CASP14: variants seen among roughly 807,000 people sequenced by gnomAD.
The protein encoded by CASP14 is caspase 14, also known as caspase-14.
CASP14 carries 27 observed loss-of-function variants against 28.4 expected under a neutral mutation model. That is an observed-to-expected ratio of 0.95 (90% CI 0.70 to 1.31). CASP14 has a LOEUF of 1.31. Among genes scored for constraint, CASP14 ranks in the 50% most tolerant of loss-of-function variants. The probability of loss-of-function intolerance (pLI) is 0.00; values close to 1 mark genes in which losing one functional copy is unlikely to be tolerated. For synonymous variants in CASP14, 115 were observed against 118.6 expected, an observed-to-expected ratio of 0.97 and a Z score of 0.20; for missense variants, 323 against 312.8, an observed-to-expected ratio of 1.03 and a Z score of -0.25.
At chr19:15,051,839 C>A (rs561234216) in intron 1 of CASP14, among the ~76,000 whole-genome samples, 1 of 152,230 alleles carries the variant, frequency 6.6e-6, no homozygotes, top group South Asian at 2.1e-4. Context: ...AAGAGGCAAA[C>A]ACATGGGTCA....
At chr19:15,050,373 G>A (rs2046084554) in intron 1 of CASP14, among the ~76,000 whole-genome samples, 1 of 151,884 alleles carries the variant, frequency 6.6e-6, no homozygotes, top group Admixed American at 6.6e-5. Context: ...TCACAGACTA[G>A]AGCTACAGAA....
At chr19:15,055,303 C>T (rs766631414) in intron 5 of CASP14, 29 bp downstream of exon 5, 1 of 1,589,774 alleles carries the variant, frequency 6.3e-7, no homozygotes, top group Admixed American at 1.7e-5. Context: ...CCCAGGGATC[C>T]CTCTGCTCTT....
At chr19:15,054,009 GT>G in intron 4 of CASP14, 51 bp downstream of exon 4, 1 of 1,499,328 alleles carries the variant, frequency 6.7e-7, no homozygotes, top group Admixed American at 1.9e-5. Flanking sequence ...TTTCTGTTTT[GT>G]TTTTTGAGAC....
At chr19:15,050,767 T>A (rs1429933148) in intron 1 of CASP14, among the ~76,000 whole-genome samples, 1 of 151,480 alleles carries the variant, frequency 6.6e-6, no homozygotes, top group African/African-American at 2.4e-5. Flanking sequence ...GAAGAATGAA[T>A]GGGTATATGG....
rs1053942769 is a variant in CASP14 at position 15,053,611 on chromosome 19, A to G, written c.157A>G (p.Lys53Glu). Residue 53 changes from lysine (K) to glutamate (E), a missense_variant, in exon 3 of 7, where the codon AAA (lysine) becomes GAA (glutamate). Lys to Glu is a moderately conservative substitution (Grantham distance 56, BLOSUM62 1). Transcript: ENST00000427043. ...GCAGCTGAGATTCGAAAGCACCATG[A>G]AAAGAGACCCCACTGCCGAGGTATT... The part of the protein sequence containing the change: ...FRQLRFESTM[K>E]RDPTAEQFQE... 1 of 1,614,140 alleles carries G rather than the reference A, an allele frequency of 6.2e-7. No homozygotes were observed. The highest frequency in any genetic ancestry group is 8.5e-7 in the Non-Finnish European group (1 of 1,180,016).
intron 5 of CASP14, 42 bp from the exon 6 acceptor site, chr19:15,055,388 C>A: frequency 1.3e-6 from 2 of 1,587,734 alleles, no homozygotes; most frequent in Non-Finnish European, 1.7e-6. Context: ...CCTCTACCTA[C>A]CCTCTGAAGC....
Position 15,053,772 on chromosome 19 carries a change from G to C in CASP14, c.217G>C (p.Asp73His). ...EELEKFQQAIDSREDPVSCAF... is the reference protein window; with the variant it reads ...EELEKFQQAIHSREDPVSCAF... ...GCTGGAAAAATTCCAGCAGGCCATC[G>C]ATTCCCGGGAAGATCCCGTCAGTTG... The change falls in exon 4 of 7, where the codon GAT becomes CAT. Residue 73 changes from aspartate to histidine, a missense_variant. Transcript: ENST00000427043. The C allele has an allele frequency of 6.2e-7, 1 of 1,613,736 alleles. No individual in the cohort carries two copies. Among genetic ancestry groups the C allele is most frequent in the South Asian group, 1.1e-5 (1 of 91,064 alleles).
chr19:15,051,275 G>T (rs2046089460), intron 1 of CASP14, among the ~76,000 whole-genome samples: 1 of 151,474 alleles, frequency 6.6e-6, no homozygotes, highest in Non-Finnish European at 1.5e-5. Context: ...GAGGTGGGCA[G>T]ATCATGAGGT....
At position 15,056,507 on chromosome 19, in the gene CASP14, T is replaced by C. The variant is rs188221732; in HGVS notation, c.*418T>C. ...ACCTCTGCTGGCTCCTGCATCTCAC[T>C]TGGAGGTCAAACCTCCTCCTGAGGC... On this transcript the variant is annotated 3_prime_UTR_variant, in exon 7 of 7. Transcript: ENST00000427043. The C allele has an allele frequency of 5.0e-4, 87 of 174,602 alleles. No homozygotes were observed. The highest frequency in any genetic ancestry group is 2.0e-3 in the African/African-American group (84 of 42,458). 10.8% of individuals were successfully genotyped at this position (174,602 alleles called of 1,614,324 possible). A position where few individuals can be genotyped will look rare whatever the true frequency, so the allele number is the denominator to read the frequency against.
rs371115118 is a variant in CASP14, at chr19:15,055,553, C to G, written c.624+20C>G. ...ACAGAGGTGAGTTGACAAAAGGTAG[C>G]TGGGACCACCGCCCAGGCCAAGAAG... On this transcript the variant is annotated intron_variant, in intron 6 of 6. Coordinates refer to ENST00000427043, the MANE Select transcript of CASP14 (RefSeq NM_012114.3). 1.1e-5 allele frequency: 17 copies of G among 1,578,792 alleles called. No homozygotes were observed. Among genetic ancestry groups the G allele is most frequent in the East Asian group, 2.2e-5 (1 of 44,672 alleles).
rs1408102504 is a variant in CASP14, at chr19:15,056,790, C to T, written c.*701C>T. 2 of 152,264 alleles carry T rather than the reference C, an allele frequency of 1.3e-5. No homozygotes were observed. The highest frequency in any genetic ancestry group is 4.8e-5 in the African/African-American group (2 of 41,448). 9.4% of individuals were successfully genotyped at this position (152,264 alleles called of 1,614,324 possible). On this transcript the variant is annotated 3_prime_UTR_variant, in exon 7 of 7. Coordinates refer to ENST00000427043, the MANE Select transcript of CASP14 (RefSeq NM_012114.3). The stretch of plus-strand genomic sequence containing the variant: ...CCATCTATTCAACTATTCTTGCATT[C>T]AATTACTCTAAATGAGAGCGTGTTG...
chr19:15,052,330 T>G, intron 2 of CASP14, 52 bp downstream of exon 2: 1 of 1,503,470 alleles, frequency 6.7e-7, no homozygotes, highest in South Asian at 1.3e-5. Flanking sequence ...AGAAGGAAGG[T>G]GAGGATTTTA....
At chr19:15,052,155 C>G (rs769191073) in intron 1 of CASP14, 51 bp from the exon 2 acceptor site, 402 of 1,371,188 alleles carry the variant, frequency 2.9e-4, no homozygotes, top group Non-Finnish European at 2.9e-4. Flanking sequence ...GTCCCCTGAG[C>G]CCCTCGGCCT....
intron 4 of CASP14, among the ~76,000 whole-genome samples, 180 bp downstream of exon 4, chr19:15,054,138 C>T (rs936603200): frequency 6.6e-6 from 1 of 151,966 alleles, no homozygotes; most frequent in Admixed American, 6.6e-5. Context: ...GCTCCCGCCA[C>T]TATGTCAGGC....
intron 1 of CASP14, among the ~76,000 whole-genome samples, chr19:15,050,546 G>A (rs769584825): frequency 2.7e-5 from 4 of 150,756 alleles, no homozygotes; most frequent in Non-Finnish European, 4.4e-5. Flanking sequence ...AAGTAAATAG[G>A]TGGATGGATA....
At chr19:15,053,660 TG>T in intron 3 of CASP14, 29 bp downstream of exon 3, 11 of 1,613,946 alleles carry the variant, frequency 6.8e-6, no homozygotes, top group Non-Finnish European at 9.3e-6. Flanking sequence ...CAGGCCTGTT[TG>T]GGGGAAAGGT....
At position 15,050,807 on chromosome 19, in the gene CASP14, C is replaced by T. The variant is rs73518109; in HGVS notation, c.-47+1162C>T. ...ACTGATTAATAGATGGGTAGACAGACGGATGAATAGATGTGTGAGTGGGTG... is the reference window on the plus strand; with the variant it reads ...ACTGATTAATAGATGGGTAGACAGATGGATGAATAGATGTGTGAGTGGGTG... On this transcript the variant is annotated intron_variant, in intron 1 of 6. Transcript: ENST00000427043. Among the ~76,000 whole-genome samples, 764 of 145,936 alleles carry T rather than the reference C, an allele frequency of 5.2e-3. 4 individuals carry two copies. The highest frequency in any genetic ancestry group is 0.018 in the African/African-American group (708 of 39,090).
Position 15,058,264 on chromosome 19 carries a change from T to C in CASP14, c.*2175T>C, listed in dbSNP as rs1382215603. On this transcript the variant is annotated 3_prime_UTR_variant, in exon 7 of 7. Coordinates refer to ENST00000427043, the MANE Select transcript of CASP14 (RefSeq NM_012114.3). ...ACAAGCCCTTAATCTGCATAATGAG[T>C]GTTCAATAAACAGTTGTCAAACTTT... The C allele has an allele frequency of 6.6e-6, 1 of 152,158 alleles. No homozygotes were observed. Among genetic ancestry groups the C allele is most frequent in the Non-Finnish European group, 1.5e-5 (1 of 68,042 alleles). 9.4% of individuals were successfully genotyped at this position (152,158 alleles called of 1,614,324 possible).
intron 2 of CASP14, among the ~76,000 whole-genome samples, chr19:15,052,983 T>C (rs994679560): frequency 6.6e-6 from 1 of 152,238 alleles, no homozygotes; most frequent in Admixed American, 6.5e-5. Flanking sequence ...TTATGTAGTA[T>C]AAGTATATCC....
Sources: allele counts gnomAD v4.1 joint callset (sites outside exome capture counted in the v4.1 genomes callset), GRCh38; gene constraint gnomAD v4.1.1; transcripts MANE v1.5; gene names NCBI Gene and HGNC (gene_info 2026-07-23, HGNC 2026-07-21).